The following ELF2 variants were observed in gnomAD, a reference collection of about 807,000 sequenced individuals.
ELF2 encodes ETS-related transcription factor Elf-2.
ELF2 carries 11 observed loss-of-function variants against 54.8 expected under a neutral mutation model. That is an observed-to-expected ratio of 0.20 (90% CI 0.13 to 0.33). The LOEUF (loss-of-function observed/expected upper bound fraction) is 0.33, where lower values mean the gene tolerates loss of function less well. Ranked by LOEUF, ELF2 falls within the 10% of genes least tolerant of loss-of-function variation. The pLI is 1.00. For missense variants in ELF2, 513 were observed against 703.0 expected (o/e 0.73, Z 3.06); for synonymous variants, 203 against 245.1 (o/e 0.83, Z 1.61).
At chr4:139,090,878 T>G (rs1732494343) in intron 4 of ELF2, among the ~76,000 whole-genome samples, 1 of 151,818 alleles carries the variant, frequency 6.6e-6, no homozygotes, top group Non-Finnish European at 1.5e-5. Context: ...CCAGTTTTGA[T>G]GTAGTCAAAT....
intron 1 of ELF2, among the ~76,000 whole-genome samples, chr4:139,169,855 C>CT (rs1311506022): frequency 2.3e-5 from 2 of 87,698 alleles, no homozygotes; most frequent in East Asian, 5.8e-4. Context: ...AGACTCTTGT[C>CT]TTAAAAAAAA....
At chr4:139,093,395 AC>A (rs773896723) in intron 4 of ELF2, among the ~76,000 whole-genome samples, 120 of 152,362 alleles carry the variant, frequency 7.9e-4, no homozygotes, top group Non-Finnish European at 9.4e-4. Context: ...TTAATTCTTA[AC>A]TTATGCAAGC....
intron 4 of ELF2, among the ~76,000 whole-genome samples, chr4:139,095,635 T>C (rs779693361): frequency 2.5e-4 from 38 of 152,250 alleles, no homozygotes; most frequent in Non-Finnish European, 4.7e-4. Flanking sequence ...ACATGGCTAC[T>C]ACAATAATTA....
At chr4:139,117,699 C>T (rs1032470930) in intron 4 of ELF2, 1 of 152,802 alleles carries the variant, frequency 6.5e-6, no homozygotes, top group Non-Finnish European at 1.5e-5. Flanking sequence ...CGCCTGTAAT[C>T]CCAGCACTTT....
intron 4 of ELF2, among the ~76,000 whole-genome samples, chr4:139,110,961 T>C (rs1025581214): frequency 9.9e-5 from 15 of 152,214 alleles, no homozygotes; most frequent in African/African-American, 3.4e-4. Context: ...TGTATTTAAA[T>C]TAACACTGCT....
At chr4:139,074,621 G>A (rs1008189783) in intron 4 of ELF2, among the ~76,000 whole-genome samples, 30 of 151,832 alleles carry the variant, frequency 2.0e-4, no homozygotes, top group Admixed American at 1.5e-3. Flanking sequence ...TTAGCCGGGC[G>A]TGGTGGCGGG....
chr4:139,172,866 T>C (rs991661959), intron 1 of ELF2, among the ~76,000 whole-genome samples: 1 of 97,272 alleles, frequency 1.0e-5, no homozygotes, highest in Non-Finnish European at 1.8e-5. Context: ...TCTTGGAATG[T>C]ATCCCACACA....
intron 3 of ELF2, among the ~76,000 whole-genome samples, chr4:139,125,779 CA>C (rs367767700): frequency 1.2e-3 from 115 of 96,524 alleles, no homozygotes; most frequent in Middle Eastern, 6.1e-3. Context: ...AGTCTGGCAG[CA>C]AAAAAAAAAA....
chr4:139,061,588 T>G (rs1560750667), intron 8 of ELF2, among the ~76,000 whole-genome samples: 1 of 152,038 alleles, frequency 6.6e-6, no homozygotes, highest in Non-Finnish European at 1.5e-5. Flanking sequence ...TAGGTTTAAT[T>G]TTTTTTTAAG....
intron 4 of ELF2, among the ~76,000 whole-genome samples, chr4:139,095,371 GA>G (rs2148770962): frequency 6.6e-6 from 1 of 152,070 alleles, no homozygotes; most frequent in African/African-American, 2.4e-5. Context: ...TTTCAATAGA[GA>G]CAGAGTTTCG....
intron 4 of ELF2, among the ~76,000 whole-genome samples, chr4:139,097,753 T>C (rs1733440453): frequency 6.6e-6 from 1 of 152,240 alleles, no homozygotes; most frequent in African/African-American, 2.4e-5. Flanking sequence ...GATTGTCTTT[T>C]TCATTGTTTT....
intron 4 of ELF2, among the ~76,000 whole-genome samples, chr4:139,119,542 G>A (rs1280671198): frequency 6.6e-6 from 1 of 152,136 alleles, no homozygotes; most frequent in African/African-American, 2.4e-5. Flanking sequence ...CCTGTTCAGG[G>A]CTCTATTCTT....
intron 1 of ELF2, among the ~76,000 whole-genome samples, chr4:139,161,989 G>A (rs1343685944): frequency 2.0e-5 from 3 of 152,176 alleles, no homozygotes; most frequent in African/African-American, 7.2e-5. Flanking sequence ...AGCTACTCAA[G>A]AGGCTGAGGC....
At chr4:139,089,217 T>C (rs1314301594) in intron 4 of ELF2, among the ~76,000 whole-genome samples, 1 of 152,244 alleles carries the variant, frequency 6.6e-6, no homozygotes. Flanking sequence ...ACAGATTTCA[T>C]TTATTTATCA....
chr4:139,138,155 C>T (rs1301987392), intron 2 of ELF2, among the ~76,000 whole-genome samples: 2 of 152,146 alleles, frequency 1.3e-5, no homozygotes, highest in African/African-American at 2.4e-5. Context: ...CGGTGGCTCA[C>T]GCCTGTATAT....
intron 4 of ELF2, among the ~76,000 whole-genome samples, chr4:139,097,983 A>G (rs1293981839): frequency 6.6e-6 from 1 of 152,208 alleles, no homozygotes; most frequent in East Asian, 1.9e-4. Flanking sequence ...TACCGGCATG[A>G]GCTGCCATGC....
chr4:139,157,371 T>C (rs1740650381), intron 1 of ELF2, among the ~76,000 whole-genome samples: 1 of 152,134 alleles, frequency 6.6e-6, no homozygotes, highest in African/African-American at 2.4e-5. Context: ...AGAAATGAAC[T>C]TAGATAACTT....
chr4:139,150,367 C>CAA (rs1309358254), intron 1 of ELF2, among the ~76,000 whole-genome samples: 1 of 134,490 alleles, frequency 7.4e-6, no homozygotes, highest in Non-Finnish European at 1.6e-5. Context: ...AACTGCATCT[C>CAA]AAAAAAAAAA....
intron 2 of ELF2, among the ~76,000 whole-genome samples, chr4:139,138,385 C>G (rs1213573209): frequency 6.6e-6 from 1 of 151,686 alleles, no homozygotes; most frequent in African/African-American, 2.4e-5. Context: ...CCACTGCACT[C>G]CAGCCTGGCG....
Sources: gnomAD v4.1 joint callset for allele counts (sites outside exome capture counted in the v4.1 genomes callset) on GRCh38, gnomAD v4.1.1 for gene constraint, MANE v1.5 for transcripts, NCBI Gene and HGNC (gene_info 2026-07-23, HGNC 2026-07-21) for gene names.